MYT1L: variants seen among roughly 807,000 people sequenced by gnomAD.
MYT1L encodes myelin transcription factor 1 like.
In MYT1L, 12 loss-of-function variants were observed where a neutral mutation model predicts 126.7. That is an observed-to-expected ratio of 0.09 (90% CI 0.06 to 0.15). MYT1L has a LOEUF of 0.15. MYT1L is among the 10% of genes least tolerant of loss of function. The pLI, the probability that MYT1L is intolerant of heterozygous loss-of-function variation, is 1.00. For synonymous variants in MYT1L, 541 were observed against 604.2 expected, an observed-to-expected ratio of 0.90 and a Z score of 1.53; for missense variants, 979 against 1,585.2, an observed-to-expected ratio of 0.62 and a Z score of 6.49.
intron 2 of MYT1L, among the ~76,000 whole-genome samples, chr2:2,174,661 T>C (rs2148565981): frequency 6.6e-6 from 1 of 151,176 alleles, no homozygotes; most frequent in South Asian, 2.1e-4. Context: ...TTTAACTGGG[T>C]CCCTACTTCC....
chr2:2,078,637 A>G (rs1337600315), intron 3 of MYT1L, among the ~76,000 whole-genome samples: 9 of 152,250 alleles, frequency 5.9e-5, no homozygotes, highest in African/African-American at 1.9e-4. Flanking sequence ...TCAAGAAGAC[A>G]TAACAATTAT....
At chr2:2,132,951 C>T (rs2082574054) in intron 3 of MYT1L, among the ~76,000 whole-genome samples, 1 of 152,080 alleles carries the variant, frequency 6.6e-6, no homozygotes, top group South Asian at 2.1e-4. Flanking sequence ...AAAACTCCAG[C>T]CCCTCTTCTT....
chr2:2,290,466 T>C (rs536305294), intron 1 of MYT1L, among the ~76,000 whole-genome samples: 3 of 152,314 alleles, frequency 2.0e-5, no homozygotes, highest in Admixed American at 6.5e-5. Context: ...GTTTGTATAA[T>C]TAAAGGACTT....
chr2:2,177,853 A>G (rs78350000), intron 2 of MYT1L, among the ~76,000 whole-genome samples: 15,370 of 152,134 alleles, frequency 0.1, 753 homozygotes, highest in East Asian at 0.13. Flanking sequence ...GGGTGGGGAC[A>G]CAGAGCCTAA....
At chr2:2,160,301 T>C (rs905970216) in intron 3 of MYT1L, among the ~76,000 whole-genome samples, 11 of 152,142 alleles carry the variant, frequency 7.2e-5, no homozygotes, top group Admixed American at 6.5e-4. Context: ...GTATTTCTCA[T>C]TGGAAGAGAA....
chr2:2,290,299 T>G (rs1232004686), intron 1 of MYT1L, among the ~76,000 whole-genome samples: 1 of 152,202 alleles, frequency 6.6e-6, no homozygotes, highest in Non-Finnish European at 1.5e-5. Context: ...TGGCTTCCAC[T>G]TCCATCTGAG....
chr2:1,934,253 G>A (rs2055485060), intron 9 of MYT1L, among the ~76,000 whole-genome samples: 2 of 146,858 alleles, frequency 1.4e-5, no homozygotes, highest in Non-Finnish European at 1.5e-5. Flanking sequence ...GATTACAGGC[G>A]TGGGCCACAG....
intron 23 of MYT1L, among the ~76,000 whole-genome samples, chr2:1,794,168 C>G (rs1180589622): frequency 6.6e-6 from 1 of 152,216 alleles, no homozygotes; most frequent in Admixed American, 6.5e-5. Flanking sequence ...CGGCTCCTGC[C>G]CTTTGCATCT....
intron 8 of MYT1L, among the ~76,000 whole-genome samples, chr2:1,978,350 A>G (rs1382948857): frequency 6.6e-6 from 1 of 152,224 alleles, no homozygotes; most frequent in Non-Finnish European, 1.5e-5. Flanking sequence ...AAAGTAAAAC[A>G]TACTTTAGCC....
chr2:2,287,757 G>T (rs1376148971), intron 1 of MYT1L, among the ~76,000 whole-genome samples: 4 of 152,152 alleles, frequency 2.6e-5, no homozygotes, highest in Non-Finnish European at 4.4e-5. Context: ...TTTAAACAAA[G>T]TTGTAGTTAT....
chr2:1,954,568 GT>G (rs1558524412), intron 8 of MYT1L, among the ~76,000 whole-genome samples: 1 of 151,996 alleles, frequency 6.6e-6, no homozygotes. Context: ...TCTGCTTGGT[GT>G]GCTGTGTTCA....
At chr2:2,238,912 A>G (rs1438249479) in intron 2 of MYT1L, among the ~76,000 whole-genome samples, 1 of 152,152 alleles carries the variant, frequency 6.6e-6, no homozygotes, top group African/African-American at 2.4e-5. Flanking sequence ...GTGGAATAGT[A>G]GCAGGTGCCA....
At chr2:1,834,241 G>A (rs1002890253) in intron 21 of MYT1L, among the ~76,000 whole-genome samples, 11 of 152,178 alleles carry the variant, frequency 7.2e-5, no homozygotes, top group Admixed American at 2.6e-4. Context: ...TGCCCGCGGG[G>A]GCTTTGTGGG....
At chr2:1,799,826 T>C (rs547629545) in intron 23 of MYT1L, among the ~76,000 whole-genome samples, 71 of 152,316 alleles carry the variant, frequency 4.7e-4, no homozygotes, top group Non-Finnish European at 7.4e-4. Context: ...AATTAAATCA[T>C]GGGGGCGTTC....
intron 2 of MYT1L, among the ~76,000 whole-genome samples, chr2:2,277,304 T>C (rs1350540378): frequency 1.3e-5 from 2 of 152,238 alleles, no homozygotes; most frequent in African/African-American, 4.8e-5. Context: ...ATGCTCCATC[T>C]TTACTCATCT....
intron 21 of MYT1L, among the ~76,000 whole-genome samples, chr2:1,830,817 C>A (rs1022390378): frequency 6.6e-6 from 1 of 151,504 alleles, no homozygotes; most frequent in South Asian, 2.1e-4. Context: ...GCTCTGTCCT[C>A]GCCTGCTGGC....
intron 1 of MYT1L, among the ~76,000 whole-genome samples, chr2:2,319,779 G>GCA (rs1178992398): frequency 0.027 from 3,996 of 146,698 alleles, 94 homozygotes; most frequent in South Asian, 0.12. Context: ...ATATATATAT[G>GCA]CACACACACA....
Position 1,979,897 on chromosome 2 carries a change from A to C in MYT1L, c.1-120T>G, listed in dbSNP as rs1011253521. 17 of 998,098 alleles carry C rather than the reference A, an allele frequency of 1.7e-5. No homozygotes were observed. The highest frequency in any genetic ancestry group is 2.5e-5 in the Non-Finnish European group (16 of 651,756). 61.8% of individuals were successfully genotyped at this position (998,098 alleles called of 1,614,324 possible). On this transcript the variant is annotated intron_variant, in intron 5 of 24. Coordinates refer to ENST00000647738, the MANE Select transcript of MYT1L (RefSeq NM_001303052.2). This position sits in a 1 kb window ranked among gnomAD's most constrained non-coding sequence, Gnocchi z 4.0. The stretch of plus-strand genomic sequence containing the variant: ...GGCTTTAATCCTGTTTCCCTCCATG[A>C]AGGGAAGCCCTCTACAAGGGCAGGG...
Position 1,979,510 on chromosome 2 carries a change from A to G in MYT1L, c.89+11T>C, listed in dbSNP as rs536246310. 16 of 1,612,948 alleles carry G rather than the reference A, an allele frequency of 9.9e-6. No individual in the cohort carries two copies. The East Asian group carries it at 2.2e-4, about 22-fold the overall frequency. ...GTTAATGGGGATGCATTTTACCCAC[A>G]TGGCACTAACCTGAACAGCTCTTGT... is the stretch of plus-strand genomic sequence containing the variant. On this transcript the variant is annotated intron_variant, in intron 7 of 24. Coordinates refer to ENST00000647738, the MANE Select transcript of MYT1L (RefSeq NM_001303052.2). The surrounding 1 kb of genome is among the most constrained non-coding windows in gnomAD (Gnocchi z 4.0).
Sources: allele counts gnomAD v4.1 joint callset (sites outside exome capture counted in the v4.1 genomes callset), GRCh38; gene constraint gnomAD v4.1.1; non-coding constraint Gnocchi (gnomAD v3.1); transcripts MANE v1.5; gene names NCBI Gene and HGNC (gene_info 2026-07-23, HGNC 2026-07-21).